The following GRIN2B variants were observed in gnomAD, a reference collection of about 807,000 sequenced individuals.
The protein encoded by GRIN2B is glutamate receptor ionotropic, NMDA 2B.
GRIN2B carries 5 observed loss-of-function variants against 114.5 expected under a neutral mutation model. The observed-to-expected ratio is 0.04, with a 90% CI of 0.02 to 0.09. The LOEUF (loss-of-function observed/expected upper bound fraction) is 0.09. Among genes scored for constraint, GRIN2B ranks in the 10% least tolerant of loss-of-function variants. The probability of loss-of-function intolerance (pLI) is 1.00; values close to 1 mark genes in which losing one functional copy is unlikely to be tolerated. For synonymous variants in GRIN2B, 787 were observed against 745.1 expected (o/e 1.06, Z -0.92); for missense variants, 1,108 against 1,943.5 (o/e 0.57, Z 8.08).
At chr12:13,849,527 A>G (rs1454995413) in intron 3 of GRIN2B, among the ~76,000 whole-genome samples, 1 of 152,006 alleles carries the variant, frequency 6.6e-6, no homozygotes, top group Non-Finnish European at 1.5e-5. Context: ...CCATCCTTCC[A>G]GAACAGAAGA....
Position 13,563,807 on chromosome 12 carries a change from G to A in GRIN2B, c.3431C>T (p.Pro1144Leu). The A allele has an allele frequency of 6.2e-6, 10 of 1,614,128 alleles. No homozygotes were observed. Among genetic ancestry groups the A allele is most frequent in the Non-Finnish European group, 8.5e-6 (10 of 1,180,024 alleles). ...LDQFRTKENS[P>L]HWEHVDLTDI... is the part of the protein sequence containing the mutation. ...GGTCAGGTCTACGTGCTCCCAGTGG[G>A]GTGAGTTCTCCTTTGTTCGGAACTG... is the stretch of plus-strand genomic sequence containing the variant. The change falls in exon 14 of 14, where the codon CCC (proline) becomes CTC (leucine). Residue 1144 changes from proline to leucine, a missense_variant. By Grantham distance (98) the Pro-to-Leu change is moderately conservative. Around this residue, in one of 19 missense-constraint regions of GRIN2B, gnomAD observed 478 missense variants for 506.0 expected, o/e 0.94. Transcript: ENST00000609686.
Position 13,753,331 on chromosome 12 carries a change from G to A in GRIN2B, c.996C>T (p.Ser332=). 1 of 1,580,622 alleles carries A rather than the reference G, an allele frequency of 6.3e-7. No homozygotes were observed. ...YNTHEKRIYQ[S]NMLNRYLINV... ...TCCACACTCACCTATTTAGCATATT[G>A]GACTGGTAGATTCTCTTCTCGTGGG... Residue 332 remains serine, a synonymous_variant, in exon 4 of 14, where the codon TCC becomes TCT. Transcript: ENST00000609686. This position sits in a 1 kb window ranked among gnomAD's most constrained non-coding sequence, Gnocchi z 6.2.
At chr12:13,642,573 T>C (rs1238646717) in intron 5 of GRIN2B, among the ~76,000 whole-genome samples, 1 of 152,202 alleles carries the variant, frequency 6.6e-6, no homozygotes. Flanking sequence ...CCATGACACT[T>C]ACATATAAGA....
At chr12:13,747,209 A>G (rs16909446) in intron 4 of GRIN2B, among the ~76,000 whole-genome samples, 1,805 of 152,312 alleles carry the variant, frequency 0.012, 42 homozygotes, top group African/African-American at 0.042. Context: ...TGATTAAGGA[A>G]AGAATACTGT....
In GRIN2B at chr12:13,623,519, A is replaced by G. The variant is rs186646094; in HGVS notation, c.1126-6862T>C. On this transcript the variant is annotated intron_variant, in intron 5 of 13. Transcript: ENST00000609686. ...ATGAAACACAATATCTTCCTGCTCT[A>G]ATTTTCATCTCCTTGCCTCACAGTG... 1.8e-4 allele frequency among the ~76,000 whole-genome samples: 28 copies of G among 152,306 alleles called. No homozygotes were observed. In the East Asian group the frequency reaches 4.6e-3, roughly 25 times the overall value.
At chr12:13,598,308 T>TTTGG (rs1949102878) in intron 10 of GRIN2B, among the ~76,000 whole-genome samples, 1 of 152,170 alleles carries the variant, frequency 6.6e-6, no homozygotes, top group Non-Finnish European at 1.5e-5. Flanking sequence ...AAGAAAGGCC[T>TTTGG]TTGGGCAGGG....
chr12:13,717,886 C>T (rs1003091226), intron 4 of GRIN2B, among the ~76,000 whole-genome samples: 1 of 151,894 alleles, frequency 6.6e-6, no homozygotes, highest in Non-Finnish European at 1.5e-5. Context: ...ACCCTTAGAA[C>T]AAGAAAAGGA....
At chr12:13,870,702 A>G (rs1046292694) in intron 2 of GRIN2B, among the ~76,000 whole-genome samples, 3 of 152,228 alleles carry the variant, frequency 2.0e-5, no homozygotes, top group Non-Finnish European at 2.9e-5. Flanking sequence ...GATTCAATTA[A>G]GGAGACTATG....
intron 12 of GRIN2B, among the ~76,000 whole-genome samples, chr12:13,569,481 A>G (rs1017271949): frequency 6.6e-6 from 1 of 152,182 alleles, no homozygotes. Context: ...CTTCTACAAG[A>G]TAAGGAATGC....
At chr12:13,724,010 G>A (rs764952781) in intron 4 of GRIN2B, among the ~76,000 whole-genome samples, 23 of 152,106 alleles carry the variant, frequency 1.5e-4, no homozygotes, top group African/African-American at 4.3e-4. Flanking sequence ...GGAGACCCAC[G>A]TGGTACACTT....
rs377716088 is a variant in GRIN2B at position 13,822,854 on chromosome 12, T to C, written c.411+42944A>G. Reference sequence around the variant, plus strand: ...TTACATAAATGACACCCAATCCTAGTTGTAATTCCTTAAAGATACTTCTAA... The same window carrying C: ...TTACATAAATGACACCCAATCCTAGCTGTAATTCCTTAAAGATACTTCTAA... On this transcript the variant is annotated intron_variant, in intron 3 of 13. Transcript: ENST00000609686. 8.8e-4 allele frequency among the ~76,000 whole-genome samples: 134 copies of C among 152,256 alleles called. 4 individuals carry two copies. In the South Asian group the frequency reaches 0.027, roughly 31 times the overall value.
chr12:13,584,645 A>G (rs1202785481), intron 10 of GRIN2B, among the ~76,000 whole-genome samples: 1 of 152,026 alleles, frequency 6.6e-6, no homozygotes, highest in Non-Finnish European at 1.5e-5. Flanking sequence ...CACTTTCTCC[A>G]TTTTTCCTTC....
intron 4 of GRIN2B, among the ~76,000 whole-genome samples, chr12:13,749,143 G>A (rs1863437784): frequency 1.3e-5 from 2 of 152,170 alleles, no homozygotes; most frequent in Non-Finnish European, 2.9e-5. Context: ...GTGCATTTAA[G>A]GATCCTCCCT....
chr12:13,698,327 T>C, intron 4 of GRIN2B, among the ~76,000 whole-genome samples: 1 of 152,244 alleles, frequency 6.6e-6, no homozygotes, highest in East Asian at 1.9e-4. Flanking sequence ...GGAGAGCCCC[T>C]ATAGAAAAGC....
intron 3 of GRIN2B, among the ~76,000 whole-genome samples, chr12:13,823,750 T>C (rs1183337649): frequency 6.6e-6 from 1 of 152,112 alleles, no homozygotes; most frequent in Non-Finnish European, 1.5e-5. Flanking sequence ...GGAAAATATA[T>C]TCACTTTTTC....
At chr12:13,600,946 T>C (rs375858057) in intron 10 of GRIN2B, among the ~76,000 whole-genome samples, 182 of 152,340 alleles carry the variant, frequency 1.2e-3, no homozygotes, top group African/African-American at 4.1e-3. Context: ...AAAGCATGTC[T>C]CTGCAAAGCT....
chr12:13,932,139 T>C (rs948041603), intron 2 of GRIN2B, among the ~76,000 whole-genome samples: 2 of 152,230 alleles, frequency 1.3e-5, no homozygotes, highest in South Asian at 4.1e-4. Context: ...AATACACTTA[T>C]GCTCACTACA....
rs75004247 is a variant in GRIN2B, at chr12:13,774,979, A to AATGATG, written c.412-21070_412-21065dup. 1.4e-3 allele frequency among the ~76,000 whole-genome samples: 205 copies of AATGATG among 151,682 alleles called. 1 individual carries two copies. Among genetic ancestry groups the AATGATG allele is most frequent in the African/African-American group, 4.6e-3 (189 of 41,348 alleles). Reference sequence around the variant, plus strand: ...GAAAGTTCCCATGCAGGAGAGGTAAAATGATGATGATGATGATGATGATGA... The same window carrying AATGATG: ...GAAAGTTCCCATGCAGGAGAGGTAAAATGATGATGATGATGATGATGATGATGATGA... On this transcript the variant is annotated intron_variant, in intron 3 of 13. Coordinates refer to ENST00000609686, the MANE Select transcript of GRIN2B (RefSeq NM_000834.5).
chr12:13,924,167 CA>C (rs1866875150), intron 2 of GRIN2B, among the ~76,000 whole-genome samples: 1 of 152,112 alleles, frequency 6.6e-6, no homozygotes, highest in Non-Finnish European at 1.5e-5. Context: ...ATACACTGCA[CA>C]CAGCATGTAA....
Sources: allele counts gnomAD v4.1 joint callset (sites outside exome capture counted in the v4.1 genomes callset), GRCh38; gene constraint gnomAD v4.1.1; regional missense constraint gnomAD v4.1.1; non-coding constraint Gnocchi (gnomAD v3.1); transcripts MANE v1.5; gene names NCBI Gene and HGNC (gene_info 2026-07-23, HGNC 2026-07-21).